The following C3orf22 variants were observed in gnomAD, a reference collection of about 807,000 sequenced individuals.
C3orf22 encodes chromosome 3 open reading frame 22.
Under a neutral mutation model 10.8 loss-of-function variants are expected in C3orf22, and 7 were observed. The ratio of observed to expected loss-of-function variants is 0.65; its 90% CI spans 0.37 to 1.22. C3orf22 has a LOEUF of 1.22. Ranked by LOEUF, C3orf22 falls within the 50% of genes most tolerant of loss-of-function variation. The pLI, the probability that C3orf22 is intolerant of heterozygous loss-of-function variation, is 0.02. For synonymous variants in C3orf22, 79 were observed against 78.9 expected, an observed-to-expected ratio of 1.00 and a Z score of 0.00; for missense variants, 173 against 177.0, an observed-to-expected ratio of 0.98 and a Z score of 0.13.
intron 1 of C3orf22, among the ~76,000 whole-genome samples, chr3:126,555,533 CT>C (rs1399446281): frequency 6.6e-6 from 1 of 152,188 alleles, no homozygotes. Context: ...GCATTAGATT[CT>C]CATAGGAGCG....
At chr3:126,536,319 G>T (rs2107568347) in intron 4 of C3orf22, 1 of 1,614,044 alleles carries the variant, frequency 6.2e-7, no homozygotes. Flanking sequence ...GGGGAGAAGA[G>T]AAGCCCCCTG....
chr3:126,530,611 C>G (rs1936637430), intron 4 of C3orf22, among the ~76,000 whole-genome samples: 1 of 152,274 alleles, frequency 6.6e-6, no homozygotes, highest in African/African-American at 2.4e-5. Flanking sequence ...CCTGCCCTGC[C>G]TGGTGTGGCA....
At chr3:126,550,921 A>T (rs1221304071) in intron 3 of C3orf22, among the ~76,000 whole-genome samples, 2 of 152,174 alleles carry the variant, frequency 1.3e-5, no homozygotes, top group East Asian at 3.8e-4. Context: ...TCCATTTTGC[A>T]TGGGTAGAAT....
rs1936809088 is a variant in C3orf22 at position 126,536,946 on chromosome 3, T to C, written c.287-7574A>G. On this transcript the variant is annotated intron_variant and NMD_transcript_variant, in intron 4 of 5. Transcript: ENST00000505070. The stretch of plus-strand genomic sequence containing the variant: ...ACACCCCACACACACAAGTACTTAT[T>C]CGGACAGCACATATTGAGCACCTAC... Among the ~76,000 whole-genome samples the C allele has an allele frequency of 2.0e-5, 3 of 150,830 alleles. No individual in the cohort carries two copies. In the South Asian group the frequency reaches 6.3e-4, roughly 32 times the overall value.
Position 126,536,786 on chromosome 3 carries a change from G to A in C3orf22, c.287-7414C>T, listed in dbSNP as rs145387927. Among the ~76,000 whole-genome samples the A allele has an allele frequency of 5.0e-3, 753 of 151,516 alleles. 2 individuals carry two copies. The highest frequency in any genetic ancestry group is 0.017 in the African/African-American group (684 of 41,198). On this transcript the variant is annotated intron_variant and NMD_transcript_variant, in intron 4 of 5. Transcript: ENST00000505070. Reference sequence around the variant, plus strand: ...CTGGCCCACACACCTAACTTCAGCTGGGGGCCTGCAGGGACCACACACAAC... The same window carrying A: ...CTGGCCCACACACCTAACTTCAGCTAGGGGCCTGCAGGGACCACACACAAC...
At chr3:126,540,080 G>A (rs570790682) in intron 4 of C3orf22, among the ~76,000 whole-genome samples, 2,187 of 149,378 alleles carry the variant, frequency 0.015, 28 homozygotes, top group Non-Finnish European at 0.023. Flanking sequence ...CACACCACAC[G>A]CGTGCACCAC....
rs1387147066 is a variant in C3orf22 at position 126,549,928 on chromosome 3, G to A, written c.366C>T (p.His122=). The change falls in exon 4 of 4, where the codon CAC becomes CAT. Residue 122 remains histidine, a synonymous_variant. Transcript: ENST00000318225. ...TGGTCTGGGGGCAGGCAGCCTCAGT[G>A]TGCCGGGTGGACAGCAGGAAGGCGA... is the stretch of plus-strand genomic sequence containing the variant. ...RQLAFLLSTR[H]TEAACPQTSK... 10 of 1,614,068 alleles carry A rather than the reference G, an allele frequency of 6.2e-6. No individual in the cohort carries two copies. The highest frequency in any genetic ancestry group is 1.7e-5 in the Admixed American group (1 of 60,006).
In C3orf22 at chr3:126,549,735, G is replaced by C. The variant is rs1027252960; in HGVS notation, c.*133C>G. 4.6e-6 allele frequency: 7 copies of C among 1,511,840 alleles called. No homozygotes were observed. Among genetic ancestry groups the C allele is most frequent in the Admixed American group, 4.1e-5 (2 of 49,178 alleles). The allele number at this position is 1,511,840 out of a possible 1,614,324, so 93.7% of individuals were successfully genotyped here. Reference sequence around the variant, plus strand: ...TTTATTAGCTTGGTGTAGCTTTTTGGGGGGACCACAAACCACTCCCGGTCT... The same window carrying C: ...TTTATTAGCTTGGTGTAGCTTTTTGCGGGGACCACAAACCACTCCCGGTCT... On this transcript the variant is annotated 3_prime_UTR_variant, in exon 4 of 4. Coordinates refer to ENST00000318225, the MANE Select transcript of C3orf22 (RefSeq NM_152533.3).
intron 1 of C3orf22, among the ~76,000 whole-genome samples, chr3:126,554,970 G>T (rs1447923831): frequency 1.3e-5 from 2 of 152,226 alleles, no homozygotes; most frequent in African/African-American, 4.8e-5. Flanking sequence ...GACGGCAGCT[G>T]CTGGCTACAT....
At chr3:126,551,446 A>C (rs1937185142) in intron 3 of C3orf22, among the ~76,000 whole-genome samples, 1 of 152,082 alleles carries the variant, frequency 6.6e-6, no homozygotes, top group South Asian at 2.1e-4. Context: ...GTTTAGGAGG[A>C]AGTAGGTGTG....
chr3:126,538,554 G>T (rs1041500063), intron 4 of C3orf22, among the ~76,000 whole-genome samples: 14 of 152,260 alleles, frequency 9.2e-5, no homozygotes, highest in Admixed American at 2.6e-4. Context: ...CACAGCCGGG[G>T]TCGGCCAGCA....
chr3:126,553,275 G>A, intron 2 of C3orf22, 27 bp downstream of exon 2: 1 of 1,524,950 alleles, frequency 6.6e-7, no homozygotes, highest in Non-Finnish European at 9.1e-7. Context: ...GGCAGGGCTT[G>A]TCTCCAGAGG....
chr3:126,546,474 G>C (rs1937069028), downstream of C3orf22, among the ~76,000 whole-genome samples: 1 of 152,152 alleles, frequency 6.6e-6, no homozygotes. Context: ...GAGGTGATCA[G>C]GTTGAGATGA....
At chr3:126,550,760 C>A (rs1243504960) in intron 3 of C3orf22, among the ~76,000 whole-genome samples, 1 of 152,196 alleles carries the variant, frequency 6.6e-6, no homozygotes, top group Non-Finnish European at 1.5e-5. Context: ...TGTGGCTGGG[C>A]CCTGGGAGCC....
At chr3:126,554,422 C>A (rs1440662925) in intron 1 of C3orf22, among the ~76,000 whole-genome samples, 2 of 152,146 alleles carry the variant, frequency 1.3e-5, no homozygotes, top group Non-Finnish European at 2.9e-5. Flanking sequence ...TGCCACCACG[C>A]CTGGCTAATT....
intron 4 of C3orf22, chr3:126,541,708 CT>C (rs1936959721): frequency 4.9e-6 from 7 of 1,429,328 alleles, no homozygotes; most frequent in South Asian, 2.9e-5. Context: ...ACGCGTCCCC[CT>C]GTCCCGTCTC....
At chr3:126,551,677 T>C (rs145217277) in intron 3 of C3orf22, among the ~76,000 whole-genome samples, 258 of 152,292 alleles carry the variant, frequency 1.7e-3, no homozygotes, top group African/African-American at 5.8e-3. Flanking sequence ...CTCCTTCCCT[T>C]GCTGCTCTCC....
chr3:126,535,507 C>T (rs1204854649), intron 4 of C3orf22, among the ~76,000 whole-genome samples: 5 of 151,258 alleles, frequency 3.3e-5, no homozygotes, highest in Admixed American at 1.3e-4. Context: ...CAGACAGTAT[C>T]GCTGTCCTCA....
At chr3:126,535,523 G>A (rs1191557810) in intron 4 of C3orf22, among the ~76,000 whole-genome samples, 6 of 151,136 alleles carry the variant, frequency 4.0e-5, no homozygotes, top group African/African-American at 1.5e-4. Context: ...CCTCAGCCGG[G>A]AGACACACAG....
Sources: allele counts gnomAD v4.1 joint callset (sites outside exome capture counted in the v4.1 genomes callset), GRCh38; gene constraint gnomAD v4.1.1; transcripts MANE v1.5; gene names NCBI Gene and HGNC (gene_info 2026-07-23, HGNC 2026-07-21).